The following MGAT4C variants were observed in gnomAD, a reference collection of about 807,000 sequenced individuals.
The protein encoded by MGAT4C is alpha-1,3-mannosyl-glycoprotein 4-beta-N-acetylglucosaminyltransferase C.
In MGAT4C, 19 loss-of-function variants were observed where a neutral mutation model predicts 40.1. The ratio of observed to expected loss-of-function variants is 0.47; its 90% CI spans 0.33 to 0.70. MGAT4C has a LOEUF of 0.70. Ranked by LOEUF, MGAT4C falls within the 30% of genes least tolerant of loss-of-function variation. The pLI, the probability that MGAT4C is intolerant of heterozygous loss-of-function variation, is 0.02. For synonymous variants in MGAT4C, 181 were observed against 187.1 expected, an observed-to-expected ratio of 0.97 and a Z score of 0.27; for missense variants, 491 against 563.2, an observed-to-expected ratio of 0.87 and a Z score of 1.30.
rs1479519870 is a variant in MGAT4C, at chr12:85,958,065, GTGTT to G, written c.*21220_*21223del. On this transcript the variant is annotated 3_prime_UTR_variant, in exon 5 of 5. Coordinates refer to ENST00000611864, the MANE Select transcript of MGAT4C (RefSeq NM_001351288.2). ...TGTGTGTGTGTGTGTGTGTGTGTGTGTGTTTGTTTGCTTGTTTTTGTTTTGAGAC... is the reference window on the plus strand; with the variant it reads ...TGTGTGTGTGTGTGTGTGTGTGTGTGTGTTTGCTTGTTTTTGTTTTGAGAC... The G allele has an allele frequency of 3.3e-5, 5 of 150,304 alleles. No individual in the cohort carries two copies. The highest frequency in any genetic ancestry group is 2.1e-4 in the South Asian group (1 of 4,810). The allele number at this position is 150,304 out of a possible 1,614,324, so 9.3% of individuals were successfully genotyped here. A position where few individuals can be genotyped will look rare whatever the true frequency, so the allele number is the denominator to read the frequency against.
At chr12:86,743,976 G>A (rs745601235) in intron 1 of MGAT4C, among the ~76,000 whole-genome samples, 10 of 151,594 alleles carry the variant, frequency 6.6e-5, no homozygotes, top group Admixed American at 1.3e-4. Context: ...CAGTTTCAAA[G>A]TATAAGGACA....
At chr12:86,506,087 G>A (rs2136341094) in intron 2 of MGAT4C, among the ~76,000 whole-genome samples, 2 of 152,276 alleles carry the variant, frequency 1.3e-5, no homozygotes, top group Middle Eastern at 3.4e-3. Context: ...AGTGGATCAT[G>A]TATCCAGTGA....
rs1257427520 is a variant in MGAT4C, at chr12:86,408,416, T to C, written c.-120+26741A>G. Among the ~76,000 whole-genome samples the C allele has an allele frequency of 3.4e-5, 5 of 146,462 alleles. No homozygotes were observed. In the East Asian group the frequency reaches 1.0e-3, roughly 29 times the overall value. ...CGTAAAATAAATTTCTTATCATTTA[T>C]ATAACTGGAATAAATTGTTATTACA... is the stretch of plus-strand genomic sequence containing the variant. On this transcript the variant is annotated intron_variant, in intron 3 of 7. Coordinates refer to the MGAT4C transcript ENST00000548651.
intron 1 of MGAT4C, among the ~76,000 whole-genome samples, chr12:86,137,741 T>C (rs1882175061): frequency 6.6e-6 from 1 of 152,172 alleles, no homozygotes. Context: ...ACTCCCCTCC[T>C]ATGAAACTTG....
chr12:86,096,579 C>CT (rs533574003), intron 1 of MGAT4C, among the ~76,000 whole-genome samples: 6 of 151,106 alleles, frequency 4.0e-5, no homozygotes, highest in African/African-American at 9.7e-5. Context: ...TTTTGGATTA[C>CT]TTTTTTTTCC....
chr12:86,812,789 G>C (rs1952502624), intron 1 of MGAT4C, among the ~76,000 whole-genome samples: 1 of 152,012 alleles, frequency 6.6e-6, no homozygotes, highest in African/African-American at 2.4e-5. Flanking sequence ...TCTTTTGTTG[G>C]TTTTGCCAAC....
chr12:86,723,946 A>G (rs905925358), intron 2 of MGAT4C, among the ~76,000 whole-genome samples: 3 of 152,218 alleles, frequency 2.0e-5, no homozygotes, highest in Non-Finnish European at 4.4e-5. Flanking sequence ...GTGTGTTCAC[A>G]AATTGTGTAT....
rs573829028 is a variant in MGAT4C at position 85,983,515 on chromosome 12, A to C, written c.295+8T>G. ...GTATTCTTTATTTAAATGTTTAAGGATACTTACGCTTTCTTTGTAAAGGTG... is the reference window on the plus strand; with the variant it reads ...GTATTCTTTATTTAAATGTTTAAGGCTACTTACGCTTTCTTTGTAAAGGTG... On this transcript the variant is annotated splice_region_variant and intron_variant, in intron 4 of 4. Transcript: ENST00000611864. The C allele has an allele frequency of 2.0e-6, 3 of 1,537,232 alleles. No homozygotes were observed. Among genetic ancestry groups the C allele is most frequent in the Non-Finnish European group, 2.6e-6 (3 of 1,147,638 alleles).
At chr12:86,053,451 A>G (rs1370700135) in intron 1 of MGAT4C, among the ~76,000 whole-genome samples, 2 of 151,924 alleles carry the variant, frequency 1.3e-5, no homozygotes, top group Admixed American at 1.3e-4. Flanking sequence ...GCAAACAGAG[A>G]AAGTGTTCTA....
Position 86,275,986 on chromosome 12 carries a change from G to T in MGAT4C, c.-57+58079C>A, listed in dbSNP as rs1177059800. 4.0e-5 allele frequency among the ~76,000 whole-genome samples: 6 copies of T among 149,480 alleles called. No homozygotes were observed. In the East Asian group the frequency reaches 1.2e-3, roughly 29 times the overall value. On this transcript the variant is annotated intron_variant, in intron 4 of 7. Transcript: ENST00000548651. ...AAAAAAAAAAAAATTAGCCGGGCGT[G>T]GTGTTGGCCGCTTGTAGTCCCAGCT...
intron 2 of MGAT4C, among the ~76,000 whole-genome samples, chr12:86,645,677 A>G (rs1963522253): frequency 6.6e-6 from 1 of 151,830 alleles, no homozygotes; most frequent in Admixed American, 6.6e-5. Flanking sequence ...AAATTTTACA[A>G]TTCAATATTT....
chr12:86,053,529 T>TG (rs1395094537), intron 1 of MGAT4C, among the ~76,000 whole-genome samples: 1 of 151,758 alleles, frequency 6.6e-6, no homozygotes, highest in African/African-American at 2.4e-5. Context: ...AATGACTTTT[T>TG]GGGGGAGATT....
At chr12:86,270,583 A>G (rs1436457829) in intron 4 of MGAT4C, among the ~76,000 whole-genome samples, 2 of 152,128 alleles carry the variant, frequency 1.3e-5, no homozygotes, top group African/African-American at 4.8e-5. Context: ...ATGTTGCAGC[A>G]TGTGTTAGAA....
chr12:86,321,875 A>G (rs2136162981), intron 4 of MGAT4C, among the ~76,000 whole-genome samples: 1 of 152,254 alleles, frequency 6.6e-6, no homozygotes, highest in African/African-American at 2.4e-5. Flanking sequence ...ATTACTGGGT[A>G]TATACCCAAA....
At chr12:86,653,562 G>A (rs1963759749) in intron 2 of MGAT4C, among the ~76,000 whole-genome samples, 3 of 151,874 alleles carry the variant, frequency 2.0e-5, no homozygotes, top group Admixed American at 2.0e-4. Context: ...ATTTGGATGT[G>A]GACGGTTTAT....
chr12:86,252,711 A>G (rs1952351160), intron 1 of MGAT4C, among the ~76,000 whole-genome samples: 1 of 151,936 alleles, frequency 6.6e-6, no homozygotes, highest in Non-Finnish European at 1.5e-5. Context: ...TTAAAATAAA[A>G]AAATTCTTCA....
intron 2 of MGAT4C, among the ~76,000 whole-genome samples, chr12:86,689,378 T>C (rs980429885): frequency 2.0e-5 from 3 of 152,188 alleles, no homozygotes; most frequent in African/African-American, 4.8e-5. Context: ...CCAGTTTTTT[T>C]CCCTGGCTGG....
rs1956125817 is a variant in MGAT4C at position 86,389,492 on chromosome 12, G to T, written c.-120+45665C>A. Among the ~76,000 whole-genome samples, 9 of 152,252 alleles carry T rather than the reference G, an allele frequency of 5.9e-5. No homozygotes were observed. The South Asian group carries it at 1.9e-3, about 32-fold the overall frequency. On this transcript the variant is annotated intron_variant, in intron 3 of 7. Coordinates refer to the MGAT4C transcript ENST00000548651. ...CCATGTTTTTGCTATTGTGAATTGT[G>T]CTCAGTGAACATATGTGTGCATGAG...
chr12:86,420,373 T>C (rs558350314), intron 3 of MGAT4C, among the ~76,000 whole-genome samples: 5 of 152,054 alleles, frequency 3.3e-5, no homozygotes, highest in Admixed American at 3.3e-4. Context: ...CAAAGCAAGA[T>C]CCTGTCTCAA....
Sources: allele counts gnomAD v4.1 joint callset (sites outside exome capture counted in the v4.1 genomes callset), GRCh38; gene constraint gnomAD v4.1.1; transcripts MANE v1.5; gene names NCBI Gene and HGNC (gene_info 2026-07-23, HGNC 2026-07-21).